The following LMBR1 variants were observed in gnomAD, a reference collection of about 807,000 sequenced individuals.
LMBR1 encodes limb development membrane protein 1.
A neutral mutation model predicts 73.9 loss-of-function variants in LMBR1; 52 were observed. The ratio of observed to expected loss-of-function variants is 0.70; its 90% CI spans 0.56 to 0.89. LMBR1 has a LOEUF of 0.89. Among genes scored for constraint, LMBR1 ranks in the 40% least tolerant of loss-of-function variants. LMBR1 has a pLI of 0.00. For synonymous variants in LMBR1, 215 were observed against 209.4 expected (o/e 1.03, Z -0.23); for missense variants, 539 against 579.8 (o/e 0.93, Z 0.72).
At chr7:156,835,270 T>C (rs545820916) in intron 2 of LMBR1, among the ~76,000 whole-genome samples, 2 of 152,346 alleles carry the variant, frequency 1.3e-5, no homozygotes, top group East Asian at 1.9e-4. Context: ...AAGGGTGTAT[T>C]TGGGCCATTC....
At chr7:156,807,120 T>C (rs757800544) in intron 4 of LMBR1, among the ~76,000 whole-genome samples, 2 of 152,232 alleles carry the variant, frequency 1.3e-5, no homozygotes, top group African/African-American at 2.4e-5. Flanking sequence ...CAGTGTTACA[T>C]TTGATTCGCT....
intron 16 of LMBR1, 72 bp from the exon 17 acceptor site, chr7:156,684,235 G>A: frequency 8.7e-7 from 1 of 1,152,234 alleles, no homozygotes; most frequent in Non-Finnish European, 1.3e-6. Flanking sequence ...AGGGTAGGGA[G>A]AAGAGGAGAT....
chr7:156,892,955 G>T lies in LMBR1; in HGVS notation c.39C>A (p.His13Gln). ...TGGACTCCCGCACTTGGCTGTGGAA[G>T]TGCTGCTCCCGCGCCGACACCTCGT... ...GQDEVSAREQ[H>Q]FHSQVRESTI... The change falls in exon 1 of 17, where the codon CAC becomes CAA. Residue 13 changes from histidine to glutamine, a missense_variant. His to Gln is a conservative substitution (Grantham distance 24). Around this residue, in one of 3 missense-constraint regions of LMBR1, gnomAD observed 454 missense variants for 473.4 expected, o/e 0.96. Transcript: ENST00000353442. 1 of 1,543,808 alleles carries T rather than the reference G, an allele frequency of 6.5e-7. No individual in the cohort carries two copies. Among genetic ancestry groups the T allele is most frequent in the Non-Finnish European group, 8.7e-7 (1 of 1,152,440 alleles).
intron 5 of LMBR1, among the ~76,000 whole-genome samples, chr7:156,789,155 A>C (rs1199365890): frequency 6.6e-6 from 1 of 152,226 alleles, no homozygotes; most frequent in Non-Finnish European, 1.5e-5. Flanking sequence ...TCATTTCAAT[A>C]TATTGAATCC....
chr7:156,865,215 G>A (rs1427871548), intron 1 of LMBR1, among the ~76,000 whole-genome samples: 1 of 152,034 alleles, frequency 6.6e-6, no homozygotes, highest in Non-Finnish European at 1.5e-5. Flanking sequence ...ACTGAGGTGG[G>A]AAGATCACTT....
chr7:156,709,896 ATTTTTTTTTTT>A (rs34487923), intron 15 of LMBR1, among the ~76,000 whole-genome samples: 10 of 90,354 alleles, frequency 1.1e-4, no homozygotes, highest in South Asian at 4.0e-4. Context: ...CAGAAGGTTG[ATTTTTTTTTTT>A]TTTTTTTTTT....
intron 2 of LMBR1, among the ~76,000 whole-genome samples, chr7:156,834,005 C>T (rs554225326): frequency 1.3e-5 from 2 of 152,182 alleles, no homozygotes; most frequent in South Asian, 4.2e-4. Flanking sequence ...TTTCAATTAA[C>T]AAAATCCTGA....
At chr7:156,890,992 G>A (rs1802804671) in intron 1 of LMBR1, among the ~76,000 whole-genome samples, 1 of 151,580 alleles carries the variant, frequency 6.6e-6, no homozygotes, top group East Asian at 1.9e-4. Context: ...GGAGTTCAAG[G>A]CCAGCCTGGC....
intron 4 of LMBR1, chr7:156,822,163 A>T (rs1834894915): frequency 6.6e-6 from 1 of 152,252 alleles, no homozygotes; most frequent in Admixed American, 6.5e-5. Flanking sequence ...CTTTAAAACA[A>T]TATGGCACTG....
chr7:156,777,223 C>G (rs1386612008), intron 5 of LMBR1, among the ~76,000 whole-genome samples: 1 of 152,188 alleles, frequency 6.6e-6, no homozygotes, highest in Non-Finnish European at 1.5e-5. Flanking sequence ...GCATCAGTCA[C>G]CACGCCTGGC....
intron 5 of LMBR1, among the ~76,000 whole-genome samples, chr7:156,785,690 G>C (rs1827949302): frequency 6.6e-6 from 1 of 152,150 alleles, no homozygotes; most frequent in African/African-American, 2.4e-5. Context: ...GAATAAATCT[G>C]AGCAGATTCA....
chr7:156,762,069 TCAAAGA>T, intron 8 of LMBR1, 59 bp downstream of exon 8: 1 of 890,136 alleles, frequency 1.1e-6, no homozygotes, highest in Non-Finnish European at 1.8e-6. Context: ...GCTCACAATA[TCAAAGA>T]CAATCAAATG....
At chr7:156,715,697 A>G (rs189792934) in intron 15 of LMBR1, among the ~76,000 whole-genome samples, 2 of 152,330 alleles carry the variant, frequency 1.3e-5, no homozygotes, top group African/African-American at 2.4e-5. Flanking sequence ...GATACCTCTT[A>G]TAAGTGGAAT....
chr7:156,874,510 G>C (rs1023283496), intron 1 of LMBR1, among the ~76,000 whole-genome samples: 7 of 152,240 alleles, frequency 4.6e-5, no homozygotes, highest in Admixed American at 3.9e-4. Context: ...CCCAGGCAGG[G>C]GAGGCGCCAA....
At chr7:156,795,772 C>T (rs767746605) in intron 5 of LMBR1, among the ~76,000 whole-genome samples, 1 of 152,064 alleles carries the variant, frequency 6.6e-6, no homozygotes, top group Non-Finnish European at 1.5e-5. Context: ...AAACTGGTCT[C>T]GAAAAACTGG....
chr7:156,854,919 A>G (rs371191710), intron 1 of LMBR1, among the ~76,000 whole-genome samples: 86 of 152,386 alleles, frequency 5.6e-4, no homozygotes, highest in African/African-American at 2.0e-3. Flanking sequence ...TGAAACCTGT[A>G]GCTACTTCAA....
intron 1 of LMBR1, among the ~76,000 whole-genome samples, chr7:156,882,797 C>T (rs1322159740): frequency 1.3e-5 from 2 of 152,200 alleles, no homozygotes; most frequent in African/African-American, 2.4e-5. Flanking sequence ...CTCTGAGAGG[C>T]CGAGGCAGGC....
chr7:156,870,129 C>T (rs1425551733), intron 1 of LMBR1, among the ~76,000 whole-genome samples: 1 of 152,090 alleles, frequency 6.6e-6, no homozygotes, highest in Non-Finnish European at 1.5e-5. Context: ...GACTTCAATA[C>T]CCCATTTTCA....
At chr7:156,812,343 G>A (rs1194827753) in intron 4 of LMBR1, among the ~76,000 whole-genome samples, 1 of 152,164 alleles carries the variant, frequency 6.6e-6, no homozygotes, top group African/African-American at 2.4e-5. Context: ...GAGACAGCAA[G>A]AGGGAGAGAG....
Sources: gnomAD v4.1 joint callset for allele counts (sites outside exome capture counted in the v4.1 genomes callset) on GRCh38, gnomAD v4.1.1 for gene constraint, gnomAD v4.1.1 regional missense constraint, MANE v1.5 for transcripts, NCBI Gene and HGNC (gene_info 2026-07-23, HGNC 2026-07-21) for gene names.